The following AP5S1 variants were observed in gnomAD, a reference collection of about 807,000 sequenced individuals.
AP5S1 encodes the protein adaptor related protein complex 5 subunit sigma 1.
In AP5S1, 13 loss-of-function variants were observed where a neutral mutation model predicts 13.9. The ratio of observed to expected loss-of-function variants is 0.94; its 90% CI spans 0.61 to 1.49. AP5S1 has a LOEUF of 1.49. Ranked by LOEUF, AP5S1 falls within the 40% of genes most tolerant of loss-of-function variation. The probability of loss-of-function intolerance (pLI) is 0.00; values close to 1 mark genes in which losing one functional copy is unlikely to be tolerated. For synonymous variants in AP5S1, 132 were observed against 121.8 expected, an observed-to-expected ratio of 1.08 and a Z score of -0.55; for missense variants, 292 against 272.3, an observed-to-expected ratio of 1.07 and a Z score of -0.51.
intron 2 of AP5S1, chr20:3,823,437 G>A (rs1043422652): frequency 1.6e-6 from 1 of 623,410 alleles, no homozygotes; most frequent in Non-Finnish European, 2.0e-6. Flanking sequence ...ATTTTTAGTA[G>A]AGACGGGGTT....
At position 3,823,494 on chromosome 20, in the gene AP5S1, G is replaced by A. The variant is rs6052098; in HGVS notation, c.177-377G>A. 14,899 of 958,824 alleles carry A rather than the reference G, an allele frequency of 0.016. 1,658 individuals are homozygous for A. The African/African-American group carries it at 0.24, about 15-fold the overall frequency. The allele number at this position is 958,824 out of a possible 1,614,324, so 59.4% of individuals were successfully genotyped here. Reference sequence around the variant, plus strand: ...TCTCGATCTCCTGACCTCGTGATCCGCCCGCCTCGGCCTCCCAAAGTGCTG... The same window carrying A: ...TCTCGATCTCCTGACCTCGTGATCCACCCGCCTCGGCCTCCCAAAGTGCTG... On this transcript the variant is annotated intron_variant, in intron 2 of 2. Coordinates refer to ENST00000615891, the MANE Select transcript of AP5S1 (RefSeq NM_018347.3).
chr20:3,823,903 A>T lies in AP5S1; in HGVS notation c.209A>T (p.Gln70Leu). Residue 70 changes from glutamine (Q) to leucine (L), a missense_variant, in exon 3 of 3, where the codon CAG becomes CTG. By Grantham distance (113) the Gln-to-Leu change is moderately radical. Coordinates refer to ENST00000615891, the MANE Select transcript of AP5S1 (RefSeq NM_018347.3). ...QVESMCRLQQQASGRPPMDLQ... is the reference protein window; with the variant it reads ...QVESMCRLQQLASGRPPMDLQ... ...GAGTCAATGTGTCGGCTGCAGCAGC[A>T]GGCATCTGGCCGGCCCCCCATGGAC... The T allele has an allele frequency of 6.2e-7, 1 of 1,602,330 alleles. No homozygotes were observed. Among genetic ancestry groups the T allele is most frequent in the Non-Finnish European group, 8.5e-7 (1 of 1,179,148 alleles).
intron 2 of AP5S1, among the ~76,000 whole-genome samples, 175 bp downstream of exon 2, chr20:3,822,468 TTAAA>T (rs1388377901): frequency 6.6e-6 from 1 of 152,222 alleles, no homozygotes; most frequent in Non-Finnish European, 1.5e-5. Flanking sequence ...GTGAAAAGGG[TTAAA>T]TAAATAATAA....
Position 3,824,086 on chromosome 20 carries a change from A to G in AP5S1, c.392A>G (p.Asn131Ser), listed in dbSNP as rs774357375. Reference protein sequence around the residue: ...GFALVLDAHENLLLAEGTLRL... With the variant: ...GFALVLDAHESLLLAEGTLRL... ...GCCCTGGTGCTGGATGCCCATGAGA[A>G]CCTGCTACTGGCTGAGGGCACGCTC... The change falls in exon 3 of 3, where the codon AAC (asparagine) becomes AGC (serine). Residue 131 changes from asparagine to serine, a missense_variant. Asn to Ser is a conservative substitution (Grantham distance 46). Coordinates refer to ENST00000615891, the MANE Select transcript of AP5S1 (RefSeq NM_018347.3). 3.3e-5 allele frequency: 54 copies of G among 1,613,704 alleles called. No individual in the cohort carries two copies. The highest frequency in any genetic ancestry group is 4.5e-5 in the Non-Finnish European group (53 of 1,179,972).
At chr20:3,823,837 G>C (rs2089602236) in intron 2 of AP5S1, 34 bp from the exon 3 acceptor site, 2 of 1,574,374 alleles carry the variant, frequency 1.3e-6, no homozygotes, top group East Asian at 2.2e-5. Context: ...GTTGGTGTGT[G>C]AGCCCACCAG....
Position 3,826,634 on chromosome 20 carries a change from G to A in AP5S1, c.*2337G>A, listed in dbSNP as rs1164487126. 2 of 152,198 alleles carry A rather than the reference G, an allele frequency of 1.3e-5. No homozygotes were observed. The highest frequency in any genetic ancestry group is 2.4e-5 in the African/African-American group (1 of 41,430). 9.4% of individuals were successfully genotyped at this position (152,198 alleles called of 1,614,324 possible). A position where few individuals can be genotyped will look rare whatever the true frequency, so the allele number is the denominator to read the frequency against. On this transcript the variant is annotated 3_prime_UTR_variant, in exon 3 of 3. Coordinates refer to ENST00000615891, the MANE Select transcript of AP5S1 (RefSeq NM_018347.3). Reference sequence around the variant, plus strand: ...AACTGATGGACAAGAGAATAGTAGAGACTGAGACCACACCGTGGGGCTGCT... The same window carrying A: ...AACTGATGGACAAGAGAATAGTAGAAACTGAGACCACACCGTGGGGCTGCT...
chr20:3,824,041 G>T lies in AP5S1; in HGVS notation c.347G>T (p.Gly116Val). ...GAGCCACGGACGGTGGTGTGGCTGG[G>T]CGTGCTCTCGTTAGGCTTTGCCCTG... ...FQEPRTVVWL[G>V]VLSLGFALVL... The change falls in exon 3 of 3, where the codon GGC becomes GTC. Residue 116 changes from glycine (G) to valine (V), a missense_variant. By Grantham distance (109) the Gly-to-Val change is moderately radical. Transcript: ENST00000615891. The T allele has an allele frequency of 6.2e-7, 1 of 1,613,804 alleles. No homozygotes were observed. Among genetic ancestry groups the T allele is most frequent in the Non-Finnish European group, 8.5e-7 (1 of 1,180,020 alleles).
At position 3,824,213 on chromosome 20, in the gene AP5S1, C is replaced by T; in HGVS notation, c.519C>T (p.Phe173=). The change falls in exon 3 of 3, where the codon TTC becomes TTT. Residue 173 remains phenylalanine, a synonymous_variant. Coordinates refer to ENST00000615891, the MANE Select transcript of AP5S1 (RefSeq NM_018347.3). ...GCATTGAGGGCATCCTCACCCGCTT[C>T]CTGCCACATGGTCAGCTGCTTTTCC... ...ADRIEGILTR[F]LPHGQLLFLN... 1 of 1,614,232 alleles carries T rather than the reference C, an allele frequency of 6.2e-7. No individual in the cohort carries two copies.
chr20:3,824,071 T>C lies in AP5S1; in HGVS notation c.377T>C (p.Leu126Pro), dbSNP rs746816136. 5.6e-6 allele frequency: 9 copies of C among 1,613,836 alleles called. No homozygotes were observed. The highest frequency in any genetic ancestry group is 7.6e-6 in the Non-Finnish European group (9 of 1,180,036). ...GVLSLGFALV[L>P]DAHENLLLAE... The stretch of plus-strand genomic sequence containing the variant: ...CTCTCGTTAGGCTTTGCCCTGGTGC[T>C]GGATGCCCATGAGAACCTGCTACTG... The change falls in exon 3 of 3, where the codon CTG becomes CCG. Residue 126 changes from leucine (L) to proline (P), a missense_variant. Transcript: ENST00000615891.
intron 1 of AP5S1, 113 bp from the exon 2 acceptor site, chr20:3,821,989 C>A: frequency 7.0e-7 from 1 of 1,419,966 alleles, no homozygotes; most frequent in Admixed American, 2.7e-5. Flanking sequence ...AAGTGTTCAG[C>A]CTCACTGGCC....
At position 3,828,163 on chromosome 20, in the gene AP5S1, A is replaced by G. The variant is rs939695308; in HGVS notation, c.*3866A>G. The G allele has an allele frequency of 6.6e-6, 1 of 152,180 alleles. No individual in the cohort carries two copies. The highest frequency in any genetic ancestry group is 2.1e-4 in the South Asian group (1 of 4,830). 9.4% of individuals were successfully genotyped at this position (152,180 alleles called of 1,614,324 possible). ...TGTGACCCGTTAACCAAGTCTCTGTATGTTTATTACTGCAATTCAAGTGGC... is the reference window on the plus strand; with the variant it reads ...TGTGACCCGTTAACCAAGTCTCTGTGTGTTTATTACTGCAATTCAAGTGGC... On this transcript the variant is annotated 3_prime_UTR_variant, in exon 3 of 3. Transcript: ENST00000615891.
chr20:3,823,826 A>G, intron 2 of AP5S1, 45 bp from the exon 3 acceptor site: 1 of 1,566,244 alleles, frequency 6.4e-7, no homozygotes, highest in Non-Finnish European at 8.6e-7. Context: ...AGGATGACAG[A>G]GTTGGTGTGT....
rs2089636033 is a variant in AP5S1, at chr20:3,828,332, G to A, written c.*4035G>A. The A allele has an allele frequency of 6.6e-6, 1 of 152,200 alleles. No homozygotes were observed. The highest frequency in any genetic ancestry group is 2.4e-5 in the African/African-American group (1 of 41,444). 9.4% of individuals were successfully genotyped at this position (152,200 alleles called of 1,614,324 possible). On this transcript the variant is annotated 3_prime_UTR_variant, in exon 3 of 3. Coordinates refer to ENST00000615891, the MANE Select transcript of AP5S1 (RefSeq NM_018347.3). ...CCCTTATCACCAACACTGGGCACCA[G>A]AGTGGTCATTTGTTACAACTGATGG...
In AP5S1 at chr20:3,820,633, G is replaced by A. The variant is rs1288024870; in HGVS notation, c.-142G>A. 6.6e-6 allele frequency: 1 copy of A among 152,292 alleles called. No homozygotes were observed. The highest frequency in any genetic ancestry group is 1.5e-5 in the Non-Finnish European group (1 of 68,080). 9.4% of individuals were successfully genotyped at this position (152,292 alleles called of 1,614,324 possible). ...CGGAAGGCTGAGGCGACGCCTCGAC[G>A]ACAGCGGACCGGAGCTGCAGGGGCA... On this transcript the variant is annotated 5_prime_UTR_variant, in exon 1 of 3. Coordinates refer to ENST00000615891, the MANE Select transcript of AP5S1 (RefSeq NM_018347.3).
rs1332862585 is a variant in AP5S1 at position 3,826,090 on chromosome 20, T to C, written c.*1793T>C. The C allele has an allele frequency of 1.3e-5, 2 of 152,144 alleles. No individual in the cohort carries two copies. Among genetic ancestry groups the C allele is most frequent in the Admixed American group, 1.3e-4 (2 of 15,256 alleles). The allele number at this position is 152,144 out of a possible 1,614,324, so 9.4% of individuals were successfully genotyped here. On this transcript the variant is annotated 3_prime_UTR_variant, in exon 3 of 3. Coordinates refer to ENST00000615891, the MANE Select transcript of AP5S1 (RefSeq NM_018347.3). ...AGGTGCTCAGCTCTCATGCTTGCCA[T>C]CCATCAGTTGCCCTTTAGCATCCAG...
intron 1 of AP5S1, chr20:3,821,740 C>T (rs2089583160): frequency 5.2e-6 from 1 of 194,110 alleles, no homozygotes; most frequent in African/African-American, 2.4e-5. Flanking sequence ...TCTCTTCAGT[C>T]TCCTTCGGTC....
chr20:3,820,790 G>A (rs898307851), intron 1 of AP5S1, 32 bp downstream of exon 1: 1 of 152,314 alleles, frequency 6.6e-6, no homozygotes, highest in South Asian at 2.1e-4. Flanking sequence ...CATTTCTCTA[G>A]TAGAGGCGGG....
rs2089615042 is a variant in AP5S1, at chr20:3,824,947, ATC to A, written c.*651_*652del. Reference sequence around the variant, plus strand: ...ACTCCATCTCAAAAAAAAAAAAAAAATCCCACAGTCATCGAAACACAAAAGGG... The same window carrying A: ...ACTCCATCTCAAAAAAAAAAAAAAAACCACAGTCATCGAAACACAAAAGGG... On this transcript the variant is annotated 3_prime_UTR_variant, in exon 3 of 3. Transcript: ENST00000615891. 50 of 150,920 alleles carry A rather than the reference ATC, an allele frequency of 3.3e-4. No homozygotes were observed. The highest frequency in any genetic ancestry group is 1.0e-3 in the African/African-American group (43 of 40,986). The allele number at this position is 150,920 out of a possible 1,614,324, so 9.3% of individuals were successfully genotyped here.
rs1242975632 is a variant in AP5S1, at chr20:3,820,552, CG to C, written c.-222del. ...CGCAGGCGCCCACGGGCCGCGCAGC[CG>C]CCATTGCTCTCCTGCCACGGAGGGG... On this transcript the variant is annotated 5_prime_UTR_variant, in exon 1 of 3. Coordinates refer to ENST00000615891, the MANE Select transcript of AP5S1 (RefSeq NM_018347.3). 1 of 152,166 alleles carries C rather than the reference CG, an allele frequency of 6.6e-6. No homozygotes were observed. Among genetic ancestry groups the C allele is most frequent in the African/African-American group, 2.4e-5 (1 of 41,446 alleles). 9.4% of individuals were successfully genotyped at this position (152,166 alleles called of 1,614,324 possible). A position where few individuals can be genotyped will look rare whatever the true frequency, so the allele number is the denominator to read the frequency against.
Sources: gnomAD v4.1 joint callset for allele counts (sites outside exome capture counted in the v4.1 genomes callset) on GRCh38, gnomAD v4.1.1 for gene constraint, MANE v1.5 for transcripts, NCBI Gene and HGNC (gene_info 2026-07-23, HGNC 2026-07-21) for gene names.